Variants in KDM7A observed in about 807,000 individuals in gnomAD.
KDM7A encodes the protein lysine demethylase 7A, also known as lysine-specific demethylase 7A.
Under a neutral mutation model 114.8 loss-of-function variants are expected in KDM7A, and 28 were observed. The ratio of observed to expected loss-of-function variants is 0.24; its 90% CI spans 0.18 to 0.33. The LOEUF (loss-of-function observed/expected upper bound fraction) is 0.33, where lower values mean the gene tolerates loss of function less well. KDM7A is among the 10% of genes least tolerant of loss of function. The pLI is 1.00. For missense variants in KDM7A, 942 were observed against 1,142.5 expected, an observed-to-expected ratio of 0.82 and a Z score of 2.53; for synonymous variants, 423 against 397.8, an observed-to-expected ratio of 1.06 and a Z score of -0.75.
chr7:140,165,741 A>G (rs1191970740), intron 1 of KDM7A, among the ~76,000 whole-genome samples: 1 of 152,178 alleles, frequency 6.6e-6, no homozygotes, highest in East Asian at 1.9e-4. Flanking sequence ...TTTACTTAAT[A>G]ATGCCCCCAA....
At chr7:140,110,961 C>A in intron 11 of KDM7A, 134 bp downstream of exon 11, 1 of 499,068 alleles carries the variant, frequency 2.0e-6, no homozygotes, top group Non-Finnish European at 3.5e-6. Context: ...CCTGAGAAAC[C>A]TCCAAAGACT....
rs147257215 is a variant in KDM7A at position 140,144,221 on chromosome 7, G to A, written c.195-5031C>T. ...TAAACTCTTACATTTGTGGCCAATCGATTTTTGGCAAGAGTGCCAAGATCA... is the reference window on the plus strand; with the variant it reads ...TAAACTCTTACATTTGTGGCCAATCAATTTTTGGCAAGAGTGCCAAGATCA... On this transcript the variant is annotated intron_variant, in intron 1 of 19. Transcript: ENST00000397560. Among the ~76,000 whole-genome samples, 9 of 152,280 alleles carry A rather than the reference G, an allele frequency of 5.9e-5. No individual in the cohort carries two copies. In the East Asian group the frequency reaches 1.5e-3, roughly 26 times the overall value.
At chr7:140,106,196 C>T (rs1212296953) in intron 11 of KDM7A, among the ~76,000 whole-genome samples, 1 of 152,054 alleles carries the variant, frequency 6.6e-6, no homozygotes, top group Admixed American at 6.6e-5. Context: ...ATTAGTCTTG[C>T]TAGCAGTCTA....
chr7:140,108,975 T>C (rs1227082778), intron 11 of KDM7A, among the ~76,000 whole-genome samples: 1 of 152,138 alleles, frequency 6.6e-6, no homozygotes, highest in Non-Finnish European at 1.5e-5. Context: ...CAATGGTGGA[T>C]GCCCCTCCCC....
intron 1 of KDM7A, among the ~76,000 whole-genome samples, chr7:140,143,065 C>T (rs1049412648): frequency 1.3e-5 from 2 of 151,366 alleles, no homozygotes; most frequent in Non-Finnish European, 2.9e-5. Flanking sequence ...CCTGTAGTCC[C>T]CACTACTCGG....
intron 1 of KDM7A, among the ~76,000 whole-genome samples, chr7:140,166,169 T>C (rs998477558): frequency 1.3e-5 from 2 of 152,064 alleles, no homozygotes; most frequent in African/African-American, 4.8e-5. Flanking sequence ...TTGGAACACA[T>C]ATCTCCCTCA....
intron 10 of KDM7A, among the ~76,000 whole-genome samples, chr7:140,113,137 T>C (rs1818459999): frequency 6.6e-6 from 1 of 152,212 alleles, no homozygotes; most frequent in Non-Finnish European, 1.5e-5. Flanking sequence ...CAGTTGGCAT[T>C]GAGGATTAAA....
At chr7:140,123,027 C>T (rs948108563) in intron 7 of KDM7A, among the ~76,000 whole-genome samples, 3 of 152,150 alleles carry the variant, frequency 2.0e-5, no homozygotes, top group Non-Finnish European at 4.4e-5. Context: ...AAAAGGACAA[C>T]CCAATGTTAA....
intron 1 of KDM7A, among the ~76,000 whole-genome samples, chr7:140,168,170 T>C (rs1309874318): frequency 1.3e-5 from 2 of 152,170 alleles, no homozygotes; most frequent in East Asian, 1.9e-4. Context: ...TGCAAACTGG[T>C]CCAACCATTC....
At chr7:140,105,983 T>C (rs1169208218) in intron 11 of KDM7A, among the ~76,000 whole-genome samples, 1 of 152,216 alleles carries the variant, frequency 6.6e-6, no homozygotes, top group Admixed American at 6.5e-5. Context: ...TACTGGTATA[T>C]TCAGGGATTC....
intron 1 of KDM7A, among the ~76,000 whole-genome samples, chr7:140,148,093 A>G (rs531826722): frequency 2.0e-5 from 3 of 152,266 alleles, no homozygotes; most frequent in African/African-American, 7.2e-5. Flanking sequence ...TGCCCTAATC[A>G]ACAGCGTATT....
chr7:140,127,727 A>AAT, intron 4 of KDM7A, 144 bp from the exon 5 acceptor site: 1 of 760,924 alleles, frequency 1.3e-6, no homozygotes, highest in Non-Finnish European at 2.2e-6. Flanking sequence ...CTATACTCTT[A>AAT]ATTTCTCAAG....
intron 1 of KDM7A, among the ~76,000 whole-genome samples, chr7:140,164,261 C>T (rs1008176321): frequency 6.6e-6 from 1 of 152,148 alleles, no homozygotes; most frequent in African/African-American, 2.4e-5. Context: ...AAAGAGTTTG[C>T]AAGGACGGGG....
At chr7:140,172,102 T>C (rs1336756516) in intron 1 of KDM7A, among the ~76,000 whole-genome samples, 1 of 152,066 alleles carries the variant, frequency 6.6e-6, no homozygotes, top group Non-Finnish European at 1.5e-5. Context: ...AAGTGGACAC[T>C]GTAGGTGAAA....
intron 7 of KDM7A, among the ~76,000 whole-genome samples, 182 bp from the exon 8 acceptor site, chr7:140,120,711 T>C (rs1341663241): frequency 2.6e-5 from 4 of 152,260 alleles, no homozygotes; most frequent in Non-Finnish European, 5.9e-5. Flanking sequence ...TATTATATGG[T>C]AGGCTCTATG....
rs1272565726 is a variant in KDM7A at position 140,085,404 on chromosome 7, A to C, written c.*5690T>G. The stretch of plus-strand genomic sequence containing the variant: ...TACCCCTCCCCATCACCCCCCAAAA[A>C]AACTTGCTGAAGCACTGGCAAAGTT... On this transcript the variant is annotated 3_prime_UTR_variant, in exon 20 of 20. Coordinates refer to ENST00000397560, the MANE Select transcript of KDM7A (RefSeq NM_030647.2). 6.6e-6 allele frequency: 1 copy of C among 152,160 alleles called. No individual in the cohort carries two copies. 9.4% of individuals were successfully genotyped at this position (152,160 alleles called of 1,614,324 possible).
intron 1 of KDM7A, among the ~76,000 whole-genome samples, chr7:140,170,804 A>G (rs1168489583): frequency 6.6e-6 from 1 of 152,216 alleles, no homozygotes; most frequent in Non-Finnish European, 1.5e-5. Context: ...GCACAAATAC[A>G]CTATATTCCT....
chr7:140,137,827 T>C (rs567495111), intron 2 of KDM7A, among the ~76,000 whole-genome samples: 1 of 152,070 alleles, frequency 6.6e-6, no homozygotes, highest in South Asian at 2.1e-4. Context: ...TTTGAAAAAA[T>C]AGAACAAAAT....
Position 140,113,554 on chromosome 7 carries a change from T to C in KDM7A, c.1275A>G (p.Gln425=). ...KELREDGFQP[Q]TYLVQGVKAL... ...CTTTCACTCCCTGTACTAGGTAAGT[T>C]TGAGGCTGGAAACCATCTTCTCTCA... The change falls in exon 10 of 20, where the codon CAA becomes CAG. Residue 425 remains glutamine (Q), a synonymous_variant. Transcript: ENST00000397560. 1 of 1,605,614 alleles carries C rather than the reference T, an allele frequency of 6.2e-7. No homozygotes were observed. The highest frequency in any genetic ancestry group is 8.5e-7 in the Non-Finnish European group (1 of 1,173,620).
Sources: gnomAD v4.1 joint callset for allele counts (sites outside exome capture counted in the v4.1 genomes callset) on GRCh38, gnomAD v4.1.1 for gene constraint, MANE v1.5 for transcripts, NCBI Gene and HGNC (gene_info 2026-07-23, HGNC 2026-07-21) for gene names.